HEG1: variants seen among roughly 807,000 people sequenced by gnomAD.
HEG1 encodes protein HEG homolog 1.
HEG1 carries 56 observed loss-of-function variants against 125.6 expected under a neutral mutation model. That is an observed-to-expected ratio of 0.45 (90% CI 0.36 to 0.56). HEG1 has a LOEUF of 0.56. Among genes scored for constraint, HEG1 ranks in the 20% least tolerant of loss-of-function variants. HEG1 has a pLI of 0.00. For missense variants in HEG1, 1,523 were observed against 1,670.0 expected (o/e 0.91, Z 1.53); for synonymous variants, 644 against 668.5 (o/e 0.96, Z 0.57).
chr3:125,009,249 A>AATC (rs72350978), intron 8 of HEG1, among the ~76,000 whole-genome samples: 12,474 of 152,070 alleles, frequency 0.082, 688 homozygotes, highest in African/African-American at 0.15. Context: ...GTGGTAGGAC[A>AATC]ATCAGAGTTT....
chr3:124,977,817 A>G, intron 15 of HEG1, 42 bp downstream of exon 15: 1 of 1,314,284 alleles, frequency 7.6e-7, no homozygotes. Context: ...TGTATAGCAC[A>G]GGCAAAGGAA....
Position 125,055,589 on chromosome 3 carries a change from C to T in HEG1, c.302G>A (p.Arg101Lys), listed in dbSNP as rs1937918002. Reference protein sequence around the residue: ...TQRGPSGRAPRGGSADAAWKH... With the variant: ...TQRGPSGRAPKGGSADAAWKH... ...CTCTCACTCACCCGCGCTCCCGCCT[C>T]TGGGGGCCCGGCCGGAGGGTCCCCG... The change falls in exon 1 of 17, where the codon AGA becomes AAA. Residue 101 changes from arginine to lysine, a missense_variant. Arg to Lys is a conservative substitution (Grantham distance 26). Transcript: ENST00000311127. 1 of 1,205,560 alleles carries T rather than the reference C, an allele frequency of 8.3e-7. No homozygotes were observed. Among genetic ancestry groups the T allele is most frequent in the Non-Finnish European group, 1.0e-6 (1 of 970,710 alleles). The allele number at this position is 1,205,560 out of a possible 1,614,324, so 74.7% of individuals were successfully genotyped here.
rs1270039105 is a variant in HEG1, at chr3:124,965,796, T to C, written c.*4856A>G. On this transcript the variant is annotated 3_prime_UTR_variant, in exon 17 of 17. Transcript: ENST00000311127. ...TATAAGTATAAAAATAACCAAATTC[T>C]TACAAATAATACTTTGCTGCTACAG... 6.6e-6 allele frequency: 1 copy of C among 152,228 alleles called. No individual in the cohort carries two copies. The highest frequency in any genetic ancestry group is 1.9e-4 in the East Asian group (1 of 5,204). 9.4% of individuals were successfully genotyped at this position (152,228 alleles called of 1,614,324 possible).
chr3:125,039,853 C>A (rs28539397), intron 1 of HEG1, among the ~76,000 whole-genome samples: 15,794 of 140,102 alleles, frequency 0.11, 2,021 homozygotes, highest in African/African-American at 0.32. Context: ...AAAAAAACAA[C>A]AAAAAAAAAC....
Position 125,013,608 on chromosome 3 carries a change from A to G in HEG1, c.1971T>C (p.Ser657=). ...AGGAGGAAGAGGAGGAGGAGGAGTC[A>G]CTAACAAACTCAGCATCAGTGTCCA... The part of the protein sequence containing the change: ...VVLDTDAEFV[S]DSSSSSSSSS... Residue 657 remains serine, a synonymous_variant, in exon 6 of 17, where the codon AGT becomes AGC. Transcript: ENST00000311127. 6.2e-7 allele frequency: 1 copy of G among 1,604,362 alleles called. No homozygotes were observed. Among genetic ancestry groups the G allele is most frequent in the South Asian group, 1.1e-5 (1 of 89,646 alleles).
intron 1 of HEG1, among the ~76,000 whole-genome samples, chr3:125,043,714 C>T (rs998252422): frequency 6.6e-6 from 1 of 152,254 alleles, no homozygotes; most frequent in Non-Finnish European, 1.5e-5. Context: ...AGGGTGCCAG[C>T]GGGGTGGTGC....
intron 11 of HEG1, 72 bp downstream of exon 11, chr3:125,001,780 T>A: frequency 1.3e-6 from 2 of 1,520,180 alleles, no homozygotes; most frequent in South Asian, 2.4e-5. Flanking sequence ...GAGCCCTGGA[T>A]GCCTTGCATT....
intron 8 of HEG1, among the ~76,000 whole-genome samples, chr3:125,005,979 G>A (rs62268966): frequency 0.3 from 45,578 of 152,004 alleles, 7,622 homozygotes; most frequent in African/African-American, 0.46. Flanking sequence ...CCAGAGGTCA[G>A]GCAACTTCCT....
At chr3:125,002,666 G>T (rs929501681) in intron 9 of HEG1, among the ~76,000 whole-genome samples, 1 of 152,210 alleles carries the variant, frequency 6.6e-6, no homozygotes, top group Admixed American at 6.5e-5. Context: ...ACTCTGCATA[G>T]TGAACGAGCT....
At position 125,002,020 on chromosome 3, in the gene HEG1, C is replaced by A; in HGVS notation, c.3357-8G>T. ...ACCACCGCGTTGGACTCCCTATAGGCAAAGTTTGTGGGTTTTTAACAGCCC... is the reference window on the plus strand; with the variant it reads ...ACCACCGCGTTGGACTCCCTATAGGAAAAGTTTGTGGGTTTTTAACAGCCC... On this transcript the variant is annotated splice_region_variant and splice_polypyrimidine_tract_variant and intron_variant, in intron 10 of 16. Coordinates refer to ENST00000311127, the MANE Select transcript of HEG1 (RefSeq NM_020733.2). 6.2e-7 allele frequency: 1 copy of A among 1,613,742 alleles called. No individual in the cohort carries two copies. Among genetic ancestry groups the A allele is most frequent in the Non-Finnish European group, 8.5e-7 (1 of 1,179,798 alleles).
chr3:125,010,135 A>G (rs544765261), intron 7 of HEG1, among the ~76,000 whole-genome samples: 4 of 152,300 alleles, frequency 2.6e-5, no homozygotes, highest in African/African-American at 9.6e-5. Context: ...TTTAATCAAT[A>G]GATTAGGGTG....
At chr3:124,978,383 T>G (rs2133653) in intron 14 of HEG1, among the ~76,000 whole-genome samples, 54,279 of 151,764 alleles carry the variant, frequency 0.36, 10,699 homozygotes, top group African/African-American at 0.52. Flanking sequence ...TCCTGACCTC[T>G]TGATCCACCT....
At chr3:124,976,745 TC>T (rs1936548578) in intron 15 of HEG1, among the ~76,000 whole-genome samples, 1 of 152,076 alleles carries the variant, frequency 6.6e-6, no homozygotes, top group African/African-American at 2.4e-5. Context: ...CTAATACCTT[TC>T]CTGGGAAAGC....
At chr3:125,001,772 G>GCCCTGGATGCCTTGC (rs1206690714) in intron 11 of HEG1, 80 bp downstream of exon 11, 36 of 1,491,624 alleles carry the variant, frequency 2.4e-5, no homozygotes, top group Non-Finnish European at 3.1e-5. Flanking sequence ...CTGGGCCTGA[G>GCCCTGGATGCCTTGC]CCCTGGATGC....
chr3:125,045,988 C>T (rs143382371), intron 1 of HEG1, among the ~76,000 whole-genome samples: 2 of 152,172 alleles, frequency 1.3e-5, no homozygotes, highest in East Asian at 3.8e-4. Flanking sequence ...ATTATATTTG[C>T]TCCTCCTCAA....
chr3:125,008,186 A>T (rs1352483464), intron 8 of HEG1, among the ~76,000 whole-genome samples: 1 of 152,242 alleles, frequency 6.6e-6, no homozygotes, highest in East Asian at 1.9e-4. Context: ...TTGGGATTAC[A>T]GGCATAAGCC....
intron 8 of HEG1, 74 bp from the exon 9 acceptor site, chr3:125,005,442 T>G: frequency 1.3e-6 from 1 of 768,328 alleles, no homozygotes; most frequent in Non-Finnish European, 2.1e-6. Context: ...TGCACATCTC[T>G]GGGGTGTCCG....
At chr3:125,025,998 C>A (rs900410041) in intron 3 of HEG1, among the ~76,000 whole-genome samples, 4 of 152,184 alleles carry the variant, frequency 2.6e-5, no homozygotes, top group Admixed American at 6.5e-5. Context: ...CTCCTAGTCT[C>A]GCAAGTTACT....
chr3:124,978,521 T>G (rs1257080313), intron 14 of HEG1, among the ~76,000 whole-genome samples: 1 of 152,114 alleles, frequency 6.6e-6, no homozygotes, highest in Non-Finnish European at 1.5e-5. Context: ...CCCGATGAAA[T>G]TTTCACCAAC....
Sources: allele counts gnomAD v4.1 joint callset (sites outside exome capture counted in the v4.1 genomes callset), GRCh38; gene constraint gnomAD v4.1.1; transcripts MANE v1.5; gene names NCBI Gene and HGNC (gene_info 2026-07-23, HGNC 2026-07-21).